The following CFAP74 variants were observed in gnomAD, a reference collection of about 807,000 sequenced individuals.
The protein encoded by CFAP74 is cilia and flagella associated protein 74.
Under a neutral mutation model 188.9 loss-of-function variants are expected in CFAP74, and 124 were observed. That is an observed-to-expected ratio of 0.66 (90% CI 0.57 to 0.76). The LOEUF is 0.76. CFAP74 is among the 30% of genes least tolerant of loss of function. The pLI is 0.00. For synonymous variants in CFAP74, 956 were observed against 916.7 expected (o/e 1.04, Z -0.77); for missense variants, 2,198 against 2,165.2 (o/e 1.02, Z -0.30).
chr1:1,946,431 TTC>T lies in CFAP74; in HGVS notation c.2248_2249del (p.Glu750ArgfsTer32). The T allele has an allele frequency of 6.5e-7, 1 of 1,535,992 alleles. No individual in the cohort carries two copies. The highest frequency in any genetic ancestry group is 8.7e-7 in the Non-Finnish European group (1 of 1,146,128). On this transcript the variant is annotated frameshift_variant, in exon 20 of 39. Transcript: ENST00000682832. LOFTEE classifies it high-confidence loss of function. ...QTEITLGEVT[E>X]GEIGPFSSIK... is the part of the protein sequence containing the mutation. ...TGGAGCTGAAGGGGCCAATTTCCCC[TTC>T]TGTTACCTGCACAGGAAGAGATGCC...
chr1:1,930,171 G>T lies in CFAP74; in HGVS notation c.3177C>A (p.Arg1059=). ...SMSSPTHSKP[R]IGSEDASPMG... is the part of the protein sequence containing the mutation. Reference sequence around the variant, plus strand: ...TGGGAGAGGCGTCCTCTGAGCCAATGCGGGGCTTGGAGTGGGTCGGTGAGC... The same window carrying T: ...TGGGAGAGGCGTCCTCTGAGCCAATTCGGGGCTTGGAGTGGGTCGGTGAGC... The change falls in exon 26 of 39, where the codon CGC becomes CGA. Residue 1059 remains arginine, a synonymous_variant. Transcript: ENST00000682832. The T allele has an allele frequency of 1.3e-6, 2 of 1,535,696 alleles. No individual in the cohort carries two copies. Among genetic ancestry groups the T allele is most frequent in the Admixed American group, 2.0e-5 (1 of 50,986 alleles).
At chr1:1,970,939 ATGCACACC>A (rs1558041722) in intron 9 of CFAP74, 123 bp from the exon 10 acceptor site, 2 of 1,156,054 alleles carry the variant, frequency 1.7e-6, no homozygotes, top group African/African-American at 3.2e-5. Context: ...GCACACACAC[ATGCACACC>A]TGCACATGCA....
rs375425344 is a variant in CFAP74, at chr1:1,924,535, C to G, written c.4105-15G>C. 2.0e-4 allele frequency: 316 copies of G among 1,598,874 alleles called. No homozygotes were observed. Among genetic ancestry groups the G allele is most frequent in the Non-Finnish European group, 2.2e-4 (256 of 1,173,670 alleles). On this transcript the variant is annotated splice_polypyrimidine_tract_variant and intron_variant, in intron 33 of 38. Coordinates refer to ENST00000682832, the MANE Select transcript of CFAP74 (RefSeq NM_001304360.2). ...TTGTTCTGCAGCTGCAGAGAGCAGG[C>G]CGCGGTCACTGCCCGCCAGCCCCTG...
chr1:1,950,273 T>C (rs1184881971), intron 18 of CFAP74, among the ~76,000 whole-genome samples: 1 of 152,198 alleles, frequency 6.6e-6, no homozygotes, highest in African/African-American at 2.4e-5. Context: ...CGTCTTTTCA[T>C]GTGCGAATTT....
At chr1:1,964,755 A>G (rs965707291) in intron 13 of CFAP74, 133 bp downstream of exon 13, 1 of 910,530 alleles carries the variant, frequency 1.1e-6, no homozygotes, top group East Asian at 2.7e-5. Flanking sequence ...ATGCCGTTGC[A>G]CTCCAGCCTG....
rs1483162922 is a variant in CFAP74, at chr1:1,923,331, G to T, written c.4522+36C>A. 2.0e-6 allele frequency: 3 copies of T among 1,536,632 alleles called. No homozygotes were observed. The highest frequency in any genetic ancestry group is 1.8e-6 in the Non-Finnish European group (2 of 1,136,482). On this transcript the variant is annotated intron_variant, in intron 36 of 38. Coordinates refer to ENST00000682832, the MANE Select transcript of CFAP74 (RefSeq NM_001304360.2). The surrounding 1 kb of genome is among the most constrained non-coding windows in gnomAD (Gnocchi z 6.3). ...ATCCACGGGACAGGGGCACCGGGAGGCCCCGTGTCTGTTCCCTCCCTGGGG... is the reference window on the plus strand; with the variant it reads ...ATCCACGGGACAGGGGCACCGGGAGTCCCCGTGTCTGTTCCCTCCCTGGGG...
chr1:1,959,173 C>T lies in CFAP74; in HGVS notation c.1798G>A (p.Ala600Thr), dbSNP rs1654882697. 4 of 1,612,726 alleles carry T rather than the reference C, an allele frequency of 2.5e-6. No homozygotes were observed. The highest frequency in any genetic ancestry group is 3.3e-4 in the Middle Eastern group (2 of 6,056). ...KDLEGNISFL[A>T]QTGEFSVPLK... ...GGAACTGAAAACTCGCCCGTCTGAG[C>T]CAAAAATGAGATATTTCCTTCTAGA... The change falls in exon 16 of 39, where the codon GCT (alanine) becomes ACT (threonine). Residue 600 changes from alanine to threonine, a missense_variant. Transcript: ENST00000682832.
chr1:1,932,584 T>C (rs1384801198), intron 25 of CFAP74, among the ~76,000 whole-genome samples: 2 of 151,542 alleles, frequency 1.3e-5, no homozygotes, highest in Non-Finnish European at 2.9e-5. Flanking sequence ...TAGTCAATTT[T>C]TTTCTTTCTT....
At chr1:1,933,915 A>G (rs566518887) in intron 25 of CFAP74, among the ~76,000 whole-genome samples, 1 of 152,322 alleles carries the variant, frequency 6.6e-6, no homozygotes, top group South Asian at 2.1e-4. Flanking sequence ...TGCGTTTAGA[A>G]CTAGAAGCTT....
At position 1,993,933 on chromosome 1, in the gene CFAP74, G is replaced by A. The variant is rs61777032; in HGVS notation, c.-19-2958C>T. Among the ~76,000 whole-genome samples, 970 of 150,414 alleles carry A rather than the reference G, an allele frequency of 6.4e-3. 2 individuals are homozygous for A. The highest frequency in any genetic ancestry group is 0.011 in the Non-Finnish European group (754 of 67,614). The stretch of plus-strand genomic sequence containing the variant: ...GGAGGCGGAGCTTGCAGTGAGCCGA[G>A]ATCACACCACTGCACTCCAGCCTGG... On this transcript the variant is annotated intron_variant, in intron 1 of 38. Coordinates refer to ENST00000682832, the MANE Select transcript of CFAP74 (RefSeq NM_001304360.2).
intron 1 of CFAP74, among the ~76,000 whole-genome samples, chr1:1,998,573 A>G (rs1172207189): frequency 5.5e-4 from 84 of 152,086 alleles, no homozygotes; most frequent in Non-Finnish European, 1.2e-4. Context: ...GTTTTTTCTA[A>G]AAGAAAGTCT....
rs756621627 is a variant in CFAP74 at position 1,959,938 on chromosome 1, A to C, written c.1761+26T>G. The C allele has an allele frequency of 5.1e-6, 8 of 1,561,558 alleles. No individual in the cohort carries two copies. The South Asian group carries it at 7.0e-5, about 14-fold the overall frequency. On this transcript the variant is annotated intron_variant, in intron 15 of 38. Transcript: ENST00000682832. ...TCCACCCACCACCACCTCCCCTTCGAGAGAGAACGGGCCCCTCTGACTCAC... is the reference window on the plus strand; with the variant it reads ...TCCACCCACCACCACCTCCCCTTCGCGAGAGAACGGGCCCCTCTGACTCAC...
Position 1,988,556 on chromosome 1 carries a change from CA to C in CFAP74, c.251del (p.Leu84ArgfsTer15). ...GCTCTTGCTCCTCATGCATCTTATCCAGGGCGCTCAGGTTCTGCCGCAGGTG... is the reference window on the plus strand; with the variant it reads ...GCTCTTGCTCCTCATGCATCTTATCCGGGCGCTCAGGTTCTGCCGCAGGTG... ...AFHLRQNLSA[L>X]DKMHEEQELF... is the part of the protein sequence containing the mutation. On this transcript the variant is annotated frameshift_variant, in exon 4 of 39. Coordinates refer to ENST00000682832, the MANE Select transcript of CFAP74 (RefSeq NM_001304360.2). LOFTEE classifies it high-confidence loss of function. The C allele has an allele frequency of 1.2e-6, 2 of 1,613,468 alleles. No individual in the cohort carries two copies. The highest frequency in any genetic ancestry group is 1.7e-6 in the Non-Finnish European group (2 of 1,180,020).
rs370056676 is a variant in CFAP74, at chr1:1,970,338, C to A, written c.1046+321G>T. Among the ~76,000 whole-genome samples the A allele has an allele frequency of 1.5e-3, 221 of 152,296 alleles. 2 individuals are homozygous for A. The highest frequency in any genetic ancestry group is 5.2e-3 in the African/African-American group (216 of 41,582). Reference sequence around the variant, plus strand: ...ACTTCTGGGTGGGCCAGGAAAGAGCCCGCCAGTCCCTCCTTGTGAGAAGTC... The same window carrying A: ...ACTTCTGGGTGGGCCAGGAAAGAGCACGCCAGTCCCTCCTTGTGAGAAGTC... On this transcript the variant is annotated intron_variant, in intron 10 of 38. Transcript: ENST00000682832.
At position 1,964,907 on chromosome 1, in the gene CFAP74, G is replaced by A. The variant is rs200040017; in HGVS notation, c.1556C>T (p.Pro519Leu). 1.8e-4 allele frequency: 288 copies of A among 1,613,766 alleles called. No individual in the cohort carries two copies. Among genetic ancestry groups the A allele is most frequent in the Non-Finnish European group, 1.8e-4 (218 of 1,179,948 alleles). The change falls in exon 13 of 39, where the codon CCG (proline) becomes CTG (leucine). Residue 519 changes from proline (P) to leucine (L), a missense_variant. Physicochemically the swap from Pro to Leu is moderately conservative, Grantham distance 98 (BLOSUM62 -3). Coordinates refer to ENST00000682832, the MANE Select transcript of CFAP74 (RefSeq NM_001304360.2). The part of the protein sequence containing the change: ...EFQGRPFNSK[P>L]ELLHFQDFDI... ...GCTCACCTGGAAGTGGAGGAGCTCC[G>A]GTTTGCTGTTGAAGGGGCGTCCTTG...
intron 18 of CFAP74, among the ~76,000 whole-genome samples, chr1:1,952,003 G>C (rs1654229288): frequency 6.6e-6 from 1 of 152,214 alleles, no homozygotes; most frequent in African/African-American, 2.4e-5. Context: ...AGCACGCAGG[G>C]AATTCCACGA....
intron 27 of CFAP74, 133 bp from the exon 28 acceptor site, chr1:1,927,879 C>G (rs374252351): frequency 1.0e-6 from 1 of 998,064 alleles, no homozygotes; most frequent in Non-Finnish European, 1.4e-6. Context: ...ACGCAAAAGC[C>G]GACCGGCGCC....
In CFAP74 at chr1:1,968,895, G is replaced by T; in HGVS notation, c.1047-62C>A. Reference sequence around the variant, plus strand: ...CCCCTGCCTCCACCTTGCCCCAGATGAGACAGTGCCCGGCGGCCCCTCCCT... The same window carrying T: ...CCCCTGCCTCCACCTTGCCCCAGATTAGACAGTGCCCGGCGGCCCCTCCCT... On this transcript the variant is annotated intron_variant, in intron 10 of 38. Transcript: ENST00000682832. The surrounding 1 kb of genome is among the most constrained non-coding windows in gnomAD (Gnocchi z 4.3). 8 of 1,531,398 alleles carry T rather than the reference G, an allele frequency of 5.2e-6. No homozygotes were observed. The highest frequency in any genetic ancestry group is 7.2e-6 in the Non-Finnish European group (8 of 1,115,634). 94.9% of individuals were successfully genotyped at this position (1,531,398 alleles called of 1,614,324 possible). A position where few individuals can be genotyped will look rare whatever the true frequency, so the allele number is the denominator to read the frequency against.
chr1:1,980,666 C>T (rs1226527052), intron 6 of CFAP74, among the ~76,000 whole-genome samples: 1 of 152,240 alleles, frequency 6.6e-6, no homozygotes, highest in Non-Finnish European at 1.5e-5. Flanking sequence ...TGGCCCCTTG[C>T]GTGCAGAGAT....
Sources: allele counts gnomAD v4.1 joint callset (sites outside exome capture counted in the v4.1 genomes callset), GRCh38; gene constraint gnomAD v4.1.1; non-coding constraint Gnocchi (gnomAD v3.1); transcripts MANE v1.5; gene names NCBI Gene and HGNC (gene_info 2026-07-23, HGNC 2026-07-21).